LMO3: variants seen among roughly 807,000 people sequenced by gnomAD.
LMO3 encodes the protein LIM domain only 3.
Under a neutral mutation model 15.8 loss-of-function variants are expected in LMO3, and 2 were observed. The observed-to-expected ratio is 0.13, with a 90% confidence interval of 0.05 to 0.40. The LOEUF (loss-of-function observed/expected upper bound fraction) is 0.40, where lower values mean the gene tolerates loss of function less well. Among genes scored for constraint, LMO3 ranks in the 10% least tolerant of loss-of-function variants. The pLI is 0.99. For synonymous variants in LMO3, 62 were observed against 63.8 expected (o/e 0.97, Z 0.13); for missense variants, 86 against 182.2 (o/e 0.47, Z 3.04).
At chr12:16,573,077 A>G (rs1942872387) in intron 2 of LMO3, among the ~76,000 whole-genome samples, 1 of 152,118 alleles carries the variant, frequency 6.6e-6, no homozygotes, top group Admixed American at 6.5e-5. Flanking sequence ...GGAAAGAAAA[A>G]ATACCTTTTT....
Position 16,599,868 on chromosome 12 carries a change from T to C in LMO3, c.206+787A>G, listed in dbSNP as rs911104442. 1 of 151,970 alleles carries C rather than the reference T, an allele frequency of 6.6e-6. No individual in the cohort carries two copies. The highest frequency in any genetic ancestry group is 2.4e-5 in the African/African-American group (1 of 41,360). The allele number at this position is 151,970 out of a possible 1,614,324, so 9.4% of individuals were successfully genotyped here. A position where few individuals can be genotyped will look rare whatever the true frequency, so the allele number is the denominator to read the frequency against. ...ATTCAGATGTTTACAGGTTGGAGAG[T>C]GGCTGTCATTTTCCTATAATGATGG... On this transcript the variant is annotated intron_variant, in intron 2 of 3. Transcript: ENST00000537304. The surrounding 1 kb of genome is among the most constrained non-coding windows in gnomAD (Gnocchi z 4.1).
In LMO3 at chr12:16,548,500, C is replaced by T. The variant is rs771329473; in HGVS notation, c.*2722G>A. 1.3e-5 allele frequency: 2 copies of T among 152,150 alleles called. No individual in the cohort carries two copies. The highest frequency in any genetic ancestry group is 1.5e-5 in the Non-Finnish European group (1 of 68,022). 9.4% of individuals were successfully genotyped at this position (152,150 alleles called of 1,614,324 possible). ...CACAGGTCAACTTTTAAACTCAGCA[C>T]TCTGTTGGAGTGGAGGTGCACGGTC... On this transcript the variant is annotated 3_prime_UTR_variant, in exon 4 of 4. Transcript: ENST00000537304. The surrounding 1 kb of genome is among the most constrained non-coding windows in gnomAD (Gnocchi z 4.2).
intron 1 of LMO3, among the ~76,000 whole-genome samples, chr12:16,602,500 A>G (rs1210361895): frequency 1.3e-5 from 2 of 151,992 alleles, no homozygotes; most frequent in Admixed American, 1.3e-4. Flanking sequence ...AATAAAGCAG[A>G]GTAGCTGTTC....
intron 2 of LMO3, among the ~76,000 whole-genome samples, chr12:16,565,252 G>A (rs1256813142): frequency 1.3e-5 from 2 of 152,132 alleles, no homozygotes; most frequent in Admixed American, 1.3e-4. Context: ...ACTGTTGGAT[G>A]GAAAAGTTTT....
intron 3 of LMO3, among the ~76,000 whole-genome samples, chr12:16,554,596 C>A (rs1942116481): frequency 6.6e-6 from 1 of 152,186 alleles, no homozygotes; most frequent in South Asian, 2.1e-4. Flanking sequence ...TGACACTACC[C>A]ACACCCCAAA....
At chr12:16,594,330 TTAAAC>T in intron 2 of LMO3, 1 of 1,374,394 alleles carries the variant, frequency 7.3e-7, no homozygotes, top group Non-Finnish European at 9.5e-7. Context: ...TATAAGCCAA[TTAAAC>T]TAAAAAATAA....
intron 3 of LMO3, among the ~76,000 whole-genome samples, chr12:16,554,556 C>G (rs1942114686): frequency 6.6e-6 from 1 of 152,226 alleles, no homozygotes; most frequent in Non-Finnish European, 1.5e-5. Flanking sequence ...CATTATACAT[C>G]TCACTGCTAA....
At chr12:16,594,562 C>T (rs1943591254) in intron 2 of LMO3, among the ~76,000 whole-genome samples, 1 of 151,536 alleles carries the variant, frequency 6.6e-6, no homozygotes, top group Non-Finnish European at 1.5e-5. Flanking sequence ...GGATGCAGTA[C>T]ATGGCTTTGA....
chr12:16,605,891 G>C lies in LMO3; in HGVS notation c.-9+175C>G. The C allele has an allele frequency of 2.8e-6, 4 of 1,444,844 alleles. No homozygotes were observed. In the South Asian group the frequency reaches 4.9e-5, roughly 18 times the overall value. The allele number at this position is 1,444,844 out of a possible 1,614,324, so 89.5% of individuals were successfully genotyped here. On this transcript the variant is annotated intron_variant, in intron 1 of 3. Transcript: ENST00000537304. Reference sequence around the variant, plus strand: ...TGATTTAAACAAAACCGTCTCAGTAGAGCTGCAGCCCGAGTGAAAGTTGCA... The same window carrying C: ...TGATTTAAACAAAACCGTCTCAGTACAGCTGCAGCCCGAGTGAAAGTTGCA...
chr12:16,600,882 A>G lies in LMO3; in HGVS notation c.-8-14T>C. 4 of 1,592,500 alleles carry G rather than the reference A, an allele frequency of 2.5e-6. No homozygotes were observed. The highest frequency in any genetic ancestry group is 1.1e-5 in the South Asian group (1 of 90,410). ...GCATTTGTATACCTAAAGGAAGACA[A>G]AAGCAAAAAAGAGAGCTGAGACTAC... On this transcript the variant is annotated splice_polypyrimidine_tract_variant and intron_variant, in intron 1 of 3. Coordinates refer to ENST00000537304, the MANE Select transcript of LMO3 (RefSeq NM_018640.5).
chr12:16,588,371 G>T (rs980997930), intron 2 of LMO3, among the ~76,000 whole-genome samples: 1 of 151,800 alleles, frequency 6.6e-6, no homozygotes, highest in East Asian at 1.9e-4. Context: ...CAATTTCCTT[G>T]CCACCTGAGA....
chr12:16,600,823 C>T lies in LMO3; in HGVS notation c.38G>A (p.Cys13Tyr), dbSNP rs1167524216. 1 of 1,614,006 alleles carries T rather than the reference C, an allele frequency of 6.2e-7. No homozygotes were observed. Among genetic ancestry groups the T allele is most frequent in the Admixed American group, 1.7e-5 (1 of 60,006 alleles). The change falls in exon 2 of 4, where the codon TGT becomes TAT. Residue 13 changes from cysteine (C) to tyrosine (Y), a missense_variant. Physicochemically the swap from Cys to Tyr is radical, Grantham distance 194. Around this residue, in one of 3 missense-constraint regions of LMO3, gnomAD observed 16 missense variants for 21.8 expected, o/e 0.73. Transcript: ENST00000537304. ...CTTGATCTTTCGGTTGCAGCCAGCACAACCTTTCGGCTTGGTGTCTGGCTG... is the reference window on the plus strand; with the variant it reads ...CTTGATCTTTCGGTTGCAGCCAGCATAACCTTTCGGCTTGGTGTCTGGCTG... ...SVQPDTKPKG[C>Y]AGCNRKIKDR...
chr12:16,550,965 T>A lies in LMO3; in HGVS notation c.*257A>T, dbSNP rs1423736243. On this transcript the variant is annotated 3_prime_UTR_variant, in exon 4 of 4. Transcript: ENST00000537304. ...TCCAAAATAAACATCTCATGCCAAG[T>A]GACACAAAAACGAATAGCAAGCAAA... 7.6e-6 allele frequency: 3 copies of A among 393,538 alleles called. No homozygotes were observed. Among genetic ancestry groups the A allele is most frequent in the Non-Finnish European group, 1.4e-5 (3 of 216,366 alleles). The allele number at this position is 393,538 out of a possible 1,614,324, so 24.4% of individuals were successfully genotyped here.
At chr12:16,606,221 GAGGTCCTCA>G (rs1943997418), upstream of LMO3, 1 of 185,978 alleles carries the variant, frequency 5.4e-6, no homozygotes, top group Non-Finnish European at 1.1e-5. Context: ...TTAAAATAAT[GAGGTCCTCA>G]AGGATACGCC....
intron 2 of LMO3, among the ~76,000 whole-genome samples, chr12:16,561,001 GA>G (rs1462638902): frequency 6.6e-6 from 1 of 152,068 alleles, no homozygotes; most frequent in Non-Finnish European, 1.5e-5. Context: ...CATTTATGAA[GA>G]AGCCATTTAA....
chr12:16,587,413 C>T lies in LMO3; in HGVS notation c.206+13242G>A, dbSNP rs1943354137. On this transcript the variant is annotated intron_variant, in intron 2 of 3. Coordinates refer to ENST00000537304, the MANE Select transcript of LMO3 (RefSeq NM_018640.5). This position sits in a 1 kb window ranked among gnomAD's most constrained non-coding sequence, Gnocchi z 4.3. ...GCAATAAAATCTTATTGAACTGTTG[C>T]TTTCATTAATTTTCTACAGACTAGA... is the stretch of plus-strand genomic sequence containing the variant. Among the ~76,000 whole-genome samples, 1 of 152,052 alleles carries T rather than the reference C, an allele frequency of 6.6e-6. No homozygotes were observed. The highest frequency in any genetic ancestry group is 1.5e-5 in the Non-Finnish European group (1 of 67,992).
In LMO3 at chr12:16,586,483, A is replaced by G. The variant is rs562302233; in HGVS notation, c.206+14172T>C. Among the ~76,000 whole-genome samples the G allele has an allele frequency of 9.9e-5, 15 of 151,768 alleles. No homozygotes were observed. The South Asian group carries it at 2.9e-3, about 30-fold the overall frequency. ...TGGACAATGTGTCTGGACAAATCTCACGCTAAGCATTATCTTCTACGTCCA... is the reference window on the plus strand; with the variant it reads ...TGGACAATGTGTCTGGACAAATCTCGCGCTAAGCATTATCTTCTACGTCCA... On this transcript the variant is annotated intron_variant, in intron 2 of 3. Coordinates refer to ENST00000537304, the MANE Select transcript of LMO3 (RefSeq NM_018640.5). The surrounding 1 kb of genome is among the most constrained non-coding windows in gnomAD (Gnocchi z 4.3).
rs573229553 is a variant in LMO3, at chr12:16,579,399, A to T, written c.207-18861T>A. ...GTGCCTGATGCCACTGATGAGAAAC[A>T]ATTTTTTTGGTAGGATTTACATAAC... On this transcript the variant is annotated intron_variant, in intron 2 of 3. Coordinates refer to ENST00000537304, the MANE Select transcript of LMO3 (RefSeq NM_018640.5). 4.6e-5 allele frequency among the ~76,000 whole-genome samples: 7 copies of T among 152,304 alleles called. No individual in the cohort carries two copies. The South Asian group carries it at 1.5e-3, about 32-fold the overall frequency.
At chr12:16,581,301 C>T (rs1389989241) in intron 2 of LMO3, among the ~76,000 whole-genome samples, 1 of 152,154 alleles carries the variant, frequency 6.6e-6, no homozygotes, top group Non-Finnish European at 1.5e-5. Flanking sequence ...CCATCACTTG[C>T]ACCTTGGGAA....
Sources: allele counts gnomAD v4.1 joint callset (sites outside exome capture counted in the v4.1 genomes callset), GRCh38; gene constraint gnomAD v4.1.1; regional missense constraint gnomAD v4.1.1; non-coding constraint Gnocchi (gnomAD v3.1); transcripts MANE v1.5; gene names NCBI Gene and HGNC (gene_info 2026-07-23, HGNC 2026-07-21).